The following CELF2 variants were observed in gnomAD, a reference collection of about 807,000 sequenced individuals.
The protein encoded by CELF2 is CUGBP Elav-like family member 2.
Under a neutral mutation model 62.6 loss-of-function variants are expected in CELF2, and 8 were observed. The observed-to-expected ratio is 0.13, with a 90% confidence interval of 0.07 to 0.23. CELF2 has a LOEUF of 0.23. Among genes scored for constraint, CELF2 ranks in the 10% least tolerant of loss-of-function variants. CELF2 has a pLI of 1.00. For synonymous variants in CELF2, 258 were observed against 250.0 expected, an observed-to-expected ratio of 1.03 and a Z score of -0.30; for missense variants, 333 against 671.0, an observed-to-expected ratio of 0.50 and a Z score of 5.56.
chr10:11,264,034 A>G (rs2081478755), intron 5 of CELF2, among the ~76,000 whole-genome samples: 1 of 152,170 alleles, frequency 6.6e-6, no homozygotes, highest in African/African-American at 2.4e-5. Context: ...CCCTAAGGAG[A>G]CAGCTTCTGT....
chr10:10,696,077 G>A, the CELF2 span, among the ~76,000 whole-genome samples: 2 of 151,968 alleles, frequency 1.3e-5, no homozygotes, highest in African/African-American at 4.8e-5. Context: ...GAGGAGGAGA[G>A]GTGCTCTGCT....
At chr10:10,602,425 C>T in the CELF2 span, among the ~76,000 whole-genome samples, 4 of 152,120 alleles carry the variant, frequency 2.6e-5, no homozygotes, top group Admixed American at 2.0e-4. Flanking sequence ...TTTGTGCAAA[C>T]GGTAGGAACT....
rs902808709 is a variant in CELF2, at chr10:11,314,992, C to T, written c.1096+734C>T. ...TCACTTAGAAAATTGTACTTGGTTC[C>T]GAAACATATGGATGGACTCACCAGA... On this transcript the variant is annotated intron_variant, in intron 10 of 12. Coordinates refer to ENST00000633077, the MANE Select transcript of CELF2 (RefSeq NM_001326342.2). This position sits in a 1 kb window ranked among gnomAD's most constrained non-coding sequence, Gnocchi z 5.3. Among the ~76,000 whole-genome samples, 1 of 151,948 alleles carries T rather than the reference C, an allele frequency of 6.6e-6. No homozygotes were observed. Among genetic ancestry groups the T allele is most frequent in the Admixed American group, 6.6e-5 (1 of 15,250 alleles).
At chr10:10,700,696 A>C in the CELF2 span, among the ~76,000 whole-genome samples, 1 of 152,200 alleles carries the variant, frequency 6.6e-6, no homozygotes. Flanking sequence ...CCCCTTGGCT[A>C]CCTATTCTTT....
At chr10:11,149,521 C>A (rs1198241820) in intron 1 of CELF2, among the ~76,000 whole-genome samples, 1 of 152,098 alleles carries the variant, frequency 6.6e-6, no homozygotes, top group Non-Finnish European at 1.5e-5. Flanking sequence ...AATATGAGCC[C>A]CGTGGCCAGA....
chr10:10,754,971 T>A, the CELF2 span, among the ~76,000 whole-genome samples: 1 of 152,234 alleles, frequency 6.6e-6, no homozygotes, highest in African/African-American at 2.4e-5. Context: ...TTTCCCTCAA[T>A]AAGTAGATCA....
the CELF2 span, among the ~76,000 whole-genome samples, chr10:10,590,563 C>T: frequency 6.6e-6 from 1 of 152,186 alleles, no homozygotes; most frequent in Non-Finnish European, 1.5e-5. Flanking sequence ...AACTTTCCTG[C>T]CCTTTACTAC....
chr10:10,939,277 G>GTGGTGTTGTTGTTGTTGTTGT (rs138349252), intron 2 of CELF2, among the ~76,000 whole-genome samples: 1 of 144,220 alleles, frequency 6.9e-6, no homozygotes, highest in African/African-American at 2.7e-5. Context: ...TTGTTTTGTG[G>GTGGTGTTGTTGTTGTTGTTGT]TGTTGTTGTT....
At chr10:10,595,596 G>C in the CELF2 span, among the ~76,000 whole-genome samples, 282 of 152,236 alleles carry the variant, frequency 1.9e-3, 1 homozygote, top group Middle Eastern at 0.02. Context: ...GCAATACCTG[G>C]GGGTTACTGT....
In CELF2 at chr10:11,214,126, A is replaced by G. The variant is rs1392406202; in HGVS notation, c.272-3299A>G. On this transcript the variant is annotated intron_variant, in intron 2 of 12. Transcript: ENST00000633077. The surrounding 1 kb of genome is among the most constrained non-coding windows in gnomAD (Gnocchi z 4.2). ...TAGTGGGACCCCTATCTCTACAAAA[A>G]TGTAAAAAGTAGTCAGGCATGGTAG... Among the ~76,000 whole-genome samples, 2 of 152,104 alleles carry G rather than the reference A, an allele frequency of 1.3e-5. No individual in the cohort carries two copies. The highest frequency in any genetic ancestry group is 2.9e-5 in the Non-Finnish European group (2 of 68,010).
At chr10:10,651,985 G>C in the CELF2 span, among the ~76,000 whole-genome samples, 7 of 149,440 alleles carry the variant, frequency 4.7e-5, no homozygotes, top group Admixed American at 6.7e-5. Context: ...AAAAATTTAG[G>C]AGAATGTATA....
At chr10:10,725,327 A>G in the CELF2 span, among the ~76,000 whole-genome samples, 2 of 152,206 alleles carry the variant, frequency 1.3e-5, no homozygotes, top group Non-Finnish European at 2.9e-5. Flanking sequence ...TGACAGGGTG[A>G]TAAACAAACT....
chr10:10,696,866 A>T, the CELF2 span, among the ~76,000 whole-genome samples: 2 of 151,992 alleles, frequency 1.3e-5, no homozygotes, highest in African/African-American at 4.8e-5. Flanking sequence ...GCACCCAATG[A>T]CCTATGCCCA....
At chr10:10,666,121 G>A in the CELF2 span, among the ~76,000 whole-genome samples, 2 of 152,176 alleles carry the variant, frequency 1.3e-5, no homozygotes, top group South Asian at 2.1e-4. Flanking sequence ...TTATTTACTG[G>A]GTTTCCAAAT....
At chr10:10,647,984 T>C in the CELF2 span, among the ~76,000 whole-genome samples, 1 of 152,198 alleles carries the variant, frequency 6.6e-6, no homozygotes, top group Admixed American at 6.5e-5. Context: ...GACCCTGAAT[T>C]AGTGATAGAG....
chr10:11,201,120 C>G (rs1237131310), intron 2 of CELF2, among the ~76,000 whole-genome samples: 1 of 152,192 alleles, frequency 6.6e-6, no homozygotes, highest in East Asian at 1.9e-4. Context: ...TCACTTTGAT[C>G]CTGCTAGTAC....
chr10:10,513,074 A>C, the CELF2 span, among the ~76,000 whole-genome samples: 1 of 152,168 alleles, frequency 6.6e-6, no homozygotes, highest in African/African-American at 2.4e-5. Flanking sequence ...TCCTTCACTG[A>C]ATGTTCTTGG....
chr10:10,513,205 GT>G, the CELF2 span, among the ~76,000 whole-genome samples: 2 of 151,724 alleles, frequency 1.3e-5, no homozygotes. Context: ...CTTTTTTGTT[GT>G]TTTTTTTATT....
At chr10:11,168,921 A>T (rs2068016687) in intron 2 of CELF2, 1 of 152,256 alleles carries the variant, frequency 6.6e-6, no homozygotes, top group Non-Finnish European at 1.5e-5. Context: ...CCACATGAGG[A>T]CTTTGGAAAA....
Sources: allele counts gnomAD v4.1 joint callset (sites outside exome capture counted in the v4.1 genomes callset), GRCh38; gene constraint gnomAD v4.1.1; non-coding constraint Gnocchi (gnomAD v3.1); transcripts MANE v1.5; gene names NCBI Gene and HGNC (gene_info 2026-07-23, HGNC 2026-07-21).